The following CENPP variants were observed in gnomAD, a reference collection of about 807,000 sequenced individuals.
The protein encoded by CENPP is centromere protein P.
Under a neutral mutation model 35.6 loss-of-function variants are expected in CENPP, and 24 were observed. The ratio of observed to expected loss-of-function variants is 0.67; its 90% confidence interval spans 0.49 to 0.95. CENPP has a LOEUF of 0.95. Among genes scored for constraint, CENPP ranks in the 40% least tolerant of loss-of-function variants. The pLI is 0.00. For synonymous variants in CENPP, 120 were observed against 125.5 expected (o/e 0.96, Z 0.29); for missense variants, 332 against 345.3 (o/e 0.96, Z 0.31).
At chr9:92,533,323 AAAAAAATATATAT>A (rs1288966921) in intron 5 of CENPP, among the ~76,000 whole-genome samples, 4 of 99,106 alleles carry the variant, frequency 4.0e-5, no homozygotes, top group African/African-American at 1.6e-4. Flanking sequence ...AAAAAAAAAA[AAAAAAATATATAT>A]ATATATATAT....
At chr9:92,565,789 A>G (rs1341819012) in intron 5 of CENPP, among the ~76,000 whole-genome samples, 1 of 152,326 alleles carries the variant, frequency 6.6e-6, no homozygotes, top group African/African-American at 2.4e-5. Context: ...AAAAGTGACC[A>G]CATATGCTCA....
intron 5 of CENPP, among the ~76,000 whole-genome samples, chr9:92,471,260 G>C (rs913243499): frequency 2.0e-5 from 3 of 150,054 alleles, no homozygotes; most frequent in Non-Finnish European, 4.4e-5. Context: ...GCAGTGGCAT[G>C]ATCTTGGCTC....
chr9:92,394,860 G>A (rs1842831845), intron 5 of CENPP, among the ~76,000 whole-genome samples: 1 of 152,072 alleles, frequency 6.6e-6, no homozygotes, highest in Non-Finnish European at 1.5e-5. Context: ...GCCCGCCTCA[G>A]CCTCCCAAAG....
intron 5 of CENPP, among the ~76,000 whole-genome samples, chr9:92,603,740 C>G (rs913840042): frequency 1.3e-5 from 2 of 152,170 alleles, no homozygotes; most frequent in African/African-American, 4.8e-5. Flanking sequence ...GATGCCACAC[C>G]CCCAGAGCAC....
intron 5 of CENPP, among the ~76,000 whole-genome samples, chr9:92,437,461 G>A (rs769732843): frequency 1.3e-5 from 2 of 150,004 alleles, no homozygotes; most frequent in Non-Finnish European, 3.0e-5. Flanking sequence ...CCAGGCTGGA[G>A]TGCAGTAGTA....
At chr9:92,429,503 C>T (rs73520521) in intron 5 of CENPP, among the ~76,000 whole-genome samples, 2,740 of 152,198 alleles carry the variant, frequency 0.018, 93 homozygotes, top group African/African-American at 0.062. Flanking sequence ...TTGTCATTTT[C>T]AGGCCAAGTG....
intron 4 of CENPP, among the ~76,000 whole-genome samples, chr9:92,372,547 G>A (rs1842034418): frequency 6.6e-6 from 1 of 152,182 alleles, no homozygotes; most frequent in African/African-American, 2.4e-5. Context: ...ACACTTTCAT[G>A]TGATTTCATG....
intron 5 of CENPP, chr9:92,474,693 A>G (rs1196530064): frequency 1.2e-6 from 2 of 1,613,950 alleles, no homozygotes; most frequent in Non-Finnish European, 1.7e-6. Flanking sequence ...AACAGATCAA[A>G]TGGAAAAAAA....
At chr9:92,416,074 ATTTATTTATT>A (rs1564309139) in intron 5 of CENPP, among the ~76,000 whole-genome samples, 5 of 136,020 alleles carry the variant, frequency 3.7e-5, no homozygotes, top group African/African-American at 8.0e-5. Flanking sequence ...ATATATATTT[ATTTATTTATT>A]TATTTATTTA....
intron 5 of CENPP, among the ~76,000 whole-genome samples, chr9:92,436,425 AT>A (rs1422359427): frequency 1.2e-4 from 18 of 152,152 alleles, no homozygotes; most frequent in Admixed American, 1.2e-3. Context: ...CAGTTTATTG[AT>A]TCTTTTTTCT....
intron 5 of CENPP, among the ~76,000 whole-genome samples, chr9:92,416,068 A>ATATATTTATT (rs1275784821): frequency 2.6e-3 from 363 of 136,988 alleles, no homozygotes; most frequent in African/African-American, 8.6e-3. Context: ...GTATATATAT[A>ATATATTTATT]TATTTATTTA....
intron 5 of CENPP, among the ~76,000 whole-genome samples, chr9:92,443,135 G>A (rs1844463966): frequency 6.6e-6 from 1 of 152,150 alleles, no homozygotes; most frequent in African/African-American, 2.4e-5. Context: ...TTTAATTACA[G>A]TAGACATAAT....
intron 5 of CENPP, chr9:92,415,210 G>A (rs753804397): frequency 5.0e-6 from 8 of 1,613,456 alleles, no homozygotes; most frequent in Admixed American, 1.7e-5. Flanking sequence ...TTCTTGTTCT[G>A]GGCTCTCATG....
At chr9:92,404,360 T>G (rs1414516977) in intron 5 of CENPP, 8 of 440,238 alleles carry the variant, frequency 1.8e-5, no homozygotes, top group East Asian at 2.0e-4. Flanking sequence ...ATGATATACA[T>G]AAGTACTTCT....
intron 1 of CENPP, 50 bp downstream of exon 1, chr9:92,326,155 G>C (rs1235931024): frequency 1.6e-6 from 2 of 1,267,618 alleles, no homozygotes; most frequent in African/African-American, 3.1e-5. Flanking sequence ...GGGTTCCCGG[G>C]CCAGGCGGGT....
At chr9:92,362,730 A>G (rs571636255) in intron 4 of CENPP, among the ~76,000 whole-genome samples, 35 of 152,210 alleles carry the variant, frequency 2.3e-4, no homozygotes, top group African/African-American at 8.4e-4. Context: ...TCTACTCTCT[A>G]CTATGATGTT....
At chr9:92,591,674 T>C (rs1014336415) in intron 5 of CENPP, among the ~76,000 whole-genome samples, 4 of 152,100 alleles carry the variant, frequency 2.6e-5, no homozygotes, top group Non-Finnish European at 4.4e-5. Flanking sequence ...GTTTCATTTA[T>C]GGTCACTGTT....
At chr9:92,595,116 T>G (rs1850748375) in intron 5 of CENPP, among the ~76,000 whole-genome samples, 1 of 152,184 alleles carries the variant, frequency 6.6e-6, no homozygotes, top group Non-Finnish European at 1.5e-5. Context: ...CAGGCTGGTC[T>G]TGAACTCCTG....
At chr9:92,498,014 C>T (rs960184078) in intron 5 of CENPP, among the ~76,000 whole-genome samples, 14 of 152,118 alleles carry the variant, frequency 9.2e-5, no homozygotes, top group African/African-American at 3.1e-4. Context: ...ATGCAGATGC[C>T]AGTGCCGTGC....
Sources: allele counts gnomAD v4.1 joint callset (sites outside exome capture counted in the v4.1 genomes callset), GRCh38; gene constraint gnomAD v4.1.1; transcripts MANE v1.5; gene names NCBI Gene and HGNC (gene_info 2026-07-23, HGNC 2026-07-21).